The following NIPA1 variants were observed in gnomAD, a reference collection of about 807,000 sequenced individuals.
NIPA1 encodes magnesium transporter NIPA1.
A neutral mutation model predicts 23.9 loss-of-function variants in NIPA1; 13 were observed. The ratio of observed to expected loss-of-function variants is 0.54; its 90% CI spans 0.35 to 0.87. The LOEUF is 0.87. Among genes scored for constraint, NIPA1 ranks in the 40% least tolerant of loss-of-function variants. The pLI is 0.01. For missense variants in NIPA1, 362 were observed against 429.7 expected, an observed-to-expected ratio of 0.84 and a Z score of 1.39; for synonymous variants, 234 against 202.9, an observed-to-expected ratio of 1.15 and a Z score of -1.30.
chr15:22,786,620 C>CGCGCAG (rs1268826807), upstream of NIPA1: 9 of 868,080 alleles, frequency 1.0e-5, no homozygotes, highest in South Asian at 5.0e-5. Flanking sequence ...CGGGGCGCGG[C>CGCGCAG]GCGCAGGCGC....
intron 4 of NIPA1, among the ~76,000 whole-genome samples, chr15:22,821,577 G>A (rs898001823): frequency 9.3e-5 from 14 of 149,784 alleles, no homozygotes; most frequent in African/African-American, 2.2e-4. Context: ...TGGTTTTCTT[G>A]TCCACACTCA....
At chr15:22,816,178 A>ATTTTTTTTT (rs71117481) in intron 3 of NIPA1, among the ~76,000 whole-genome samples, 1 of 77,458 alleles carries the variant, frequency 1.3e-5, no homozygotes, top group Non-Finnish European at 2.3e-5. Context: ...AGAAGACCTG[A>ATTTTTTTTT]TTTTTTTTTT....
chr15:22,810,833 T>G (rs1194972870), intron 2 of NIPA1, 37 bp downstream of exon 2: 2 of 1,540,264 alleles, frequency 1.3e-6, no homozygotes, highest in Admixed American at 3.3e-5. Flanking sequence ...GTCTTTTCCT[T>G]TCTTAGAATC....
intron 1 of NIPA1, among the ~76,000 whole-genome samples, chr15:22,793,357 CAA>C (rs1163603849): frequency 8.2e-5 from 6 of 73,090 alleles, no homozygotes; most frequent in East Asian, 8.6e-4. Flanking sequence ...GACTGTGTCT[CAA>C]AAAAAAAAAA....
intron 1 of NIPA1, among the ~76,000 whole-genome samples, chr15:22,797,884 A>G (rs1894975071): frequency 6.9e-6 from 1 of 145,980 alleles, no homozygotes; most frequent in African/African-American, 2.5e-5. Context: ...TTGCTCTGTC[A>G]CCCAGGCTGG....
chr15:22,788,935 A>AAAAAAAAAAAAAC, intron 1 of NIPA1, among the ~76,000 whole-genome samples: 1 of 151,146 alleles, frequency 6.6e-6, no homozygotes, highest in Non-Finnish European at 1.5e-5. Context: ...AAAAAAAAAA[A>AAAAAAAAAAAAAC]AAGATAAATG....
intron 1 of NIPA1, among the ~76,000 whole-genome samples, chr15:22,792,859 CAGG>C (rs1276116408): frequency 6.6e-6 from 1 of 152,030 alleles, no homozygotes; most frequent in African/African-American, 2.4e-5. Context: ...GAGGCTGAGG[CAGG>C]AGAATTGCTT....
intron 3 of NIPA1, among the ~76,000 whole-genome samples, chr15:22,817,737 G>A (rs1479968651): frequency 4.0e-5 from 6 of 151,572 alleles, no homozygotes; most frequent in East Asian, 1.9e-4. Flanking sequence ...CCCGGGAGGC[G>A]GAGCTTGCAG....
At chr15:22,813,564 A>T (rs1895359442) in intron 3 of NIPA1, 1 of 441,250 alleles carries the variant, frequency 2.3e-6, no homozygotes, top group African/African-American at 2.0e-5. Context: ...AGAAATAAAA[A>T]TAGGGTAGAA....
At position 22,786,690 on chromosome 15, in the gene NIPA1, G is replaced by T; in HGVS notation, c.34G>T (p.Ala12Ser). ...TGCAGCTGCGGCAGCGGCGGCGGCG[G>T]CGGCGGCGGCGGCCGGGGAGGGGGC... Reference protein sequence around the residue: ...GTAAAAAAAAAAAAAGEGARS... With the variant: ...GTAAAAAAAASAAAAGEGARS... Residue 12 changes from alanine (A) to serine (S), a missense_variant, in exon 1 of 5, where the codon GCG becomes TCG. This residue lies in a region of NIPA1 where 85 missense variants were observed against 57.7 expected (regional missense o/e 1.47). Coordinates refer to ENST00000337435, the MANE Select transcript of NIPA1 (RefSeq NM_144599.5). 1 of 1,111,590 alleles carries T rather than the reference G, an allele frequency of 9.0e-7. No individual in the cohort carries two copies. Among genetic ancestry groups the T allele is most frequent in the Non-Finnish European group, 1.1e-6 (1 of 912,740 alleles). 68.9% of individuals were successfully genotyped at this position (1,111,590 alleles called of 1,614,324 possible).
intron 3 of NIPA1, among the ~76,000 whole-genome samples, chr15:22,814,467 C>T (rs1895377512): frequency 6.6e-6 from 1 of 152,046 alleles, no homozygotes. Context: ...TCCCAGAGTG[C>T]TGGGATTACA....
chr15:22,817,661 C>T (rs56040011), intron 3 of NIPA1, among the ~76,000 whole-genome samples: 44,200 of 151,348 alleles, frequency 0.29, 6,625 homozygotes, highest in Non-Finnish European at 0.32. Context: ...AAAAATTAGC[C>T]GGGCGTAGTG....
intron 1 of NIPA1, among the ~76,000 whole-genome samples, chr15:22,794,879 C>T (rs768393547): frequency 2.6e-4 from 40 of 152,218 alleles, no homozygotes; most frequent in African/African-American, 6.3e-4. Flanking sequence ...TCAGCACCCC[C>T]GGCCCTCTCC....
chr15:22,793,236 C>G (rs926747483), intron 1 of NIPA1, among the ~76,000 whole-genome samples: 1 of 151,236 alleles, frequency 6.6e-6, no homozygotes, highest in African/African-American at 2.4e-5. Flanking sequence ...GTAGTCCCAG[C>G]CACTTGGGAG....
rs1292788927 is a variant in NIPA1 at position 22,816,944 on chromosome 15, G to A, written c.318-3369G>A. Among the ~76,000 whole-genome samples, 4 of 151,862 alleles carry A rather than the reference G, an allele frequency of 2.6e-5. No homozygotes were observed. In the East Asian group the frequency reaches 5.8e-4, roughly 22 times the overall value. The stretch of plus-strand genomic sequence containing the variant: ...CACTCCTGTAATCCCAGCACTCTGG[G>A]AGGCTGAGACGGGAAGATCACCTGA... On this transcript the variant is annotated intron_variant, in intron 3 of 4. Transcript: ENST00000337435.
At chr15:22,790,566 C>T (rs1227718210) in intron 1 of NIPA1, among the ~76,000 whole-genome samples, 1 of 151,876 alleles carries the variant, frequency 6.6e-6, no homozygotes, top group Non-Finnish European at 1.5e-5. Context: ...TAGGCATGCA[C>T]CACCACGCCT....
At chr15:22,807,219 G>A (rs375817225) in intron 1 of NIPA1, among the ~76,000 whole-genome samples, 18 of 152,102 alleles carry the variant, frequency 1.2e-4, no homozygotes, top group African/African-American at 4.3e-4. Context: ...TGTGACTTTT[G>A]ACATTTTATA....
At position 22,824,041 on chromosome 15, in the gene NIPA1, C is replaced by T; in HGVS notation, c.792C>T (p.Tyr264=). 1.9e-6 allele frequency: 3 copies of T among 1,614,142 alleles called. No individual in the cohort carries two copies. The highest frequency in any genetic ancestry group is 2.5e-6 in the Non-Finnish European group (3 of 1,179,966). Reference sequence around the variant, plus strand: ...ACTCCTCGGTGTTCGGGGCCATCTACTACGTCGTGTTTACCACGCTGGTCC... The same window carrying T: ...ACTCCTCGGTGTTCGGGGCCATCTATTACGTCGTGTTTACCACGCTGGTCC... ...CFDSSVFGAI[Y]YVVFTTLVLL... The change falls in exon 5 of 5, where the codon TAC becomes TAT. Residue 264 remains tyrosine (Y), a synonymous_variant. Coordinates refer to ENST00000337435, the MANE Select transcript of NIPA1 (RefSeq NM_144599.5). This position sits in a 1 kb window ranked among gnomAD's most constrained non-coding sequence, Gnocchi z 4.1.
chr15:22,797,666 G>A (rs1235873310), intron 1 of NIPA1, among the ~76,000 whole-genome samples: 2 of 151,648 alleles, frequency 1.3e-5, no homozygotes, highest in East Asian at 1.9e-4. Context: ...ACCACGCCTG[G>A]CTAATTTTGT....
Sources: gnomAD v4.1 joint callset for allele counts (sites outside exome capture counted in the v4.1 genomes callset) on GRCh38, gnomAD v4.1.1 for gene constraint, gnomAD v4.1.1 regional missense constraint, Gnocchi (gnomAD v3.1) non-coding constraint, MANE v1.5 for transcripts, NCBI Gene and HGNC (gene_info 2026-07-23, HGNC 2026-07-21) for gene names.